Variants in RAPH1 observed in about 807,000 individuals in gnomAD.
RAPH1 encodes the protein Ras association (RalGDS/AF-6) and pleckstrin homology domains 1.
RAPH1 carries 18 observed loss-of-function variants against 88.1 expected under a neutral mutation model. That is an observed-to-expected ratio of 0.20 (90% CI 0.14 to 0.30). The LOEUF is 0.30. RAPH1 is among the 10% of genes least tolerant of loss of function. The pLI, the probability that RAPH1 is intolerant of heterozygous loss-of-function variation, is 1.00. For missense variants in RAPH1, 1,448 were observed against 1,543.2 expected, an observed-to-expected ratio of 0.94 and a Z score of 1.03; for synonymous variants, 587 against 559.0, an observed-to-expected ratio of 1.05 and a Z score of -0.71.
At chr2:203,505,346 A>G (rs1688938879) in intron 1 of RAPH1, among the ~76,000 whole-genome samples, 1 of 152,190 alleles carries the variant, frequency 6.6e-6, no homozygotes, top group Non-Finnish European at 1.5e-5. Flanking sequence ...TGGAAGAAGC[A>G]AAAGTGGAAA....
rs904994370 is a variant in RAPH1, at chr2:203,462,991, G to A, written c.733-1066C>T. On this transcript the variant is annotated intron_variant, in intron 4 of 13. Transcript: ENST00000319170. ...GGGGAGGGCAGATCATTTGAGGTCA[G>A]GAGTTGGAGACCAGCCTGTGCAACT... Among the ~76,000 whole-genome samples the A allele has an allele frequency of 5.3e-5, 8 of 152,102 alleles. No homozygotes were observed. In the East Asian group the frequency reaches 1.5e-3, roughly 29 times the overall value.
At chr2:203,508,159 G>GTA (rs1581384917) in intron 1 of RAPH1, among the ~76,000 whole-genome samples, 1 of 144,100 alleles carries the variant, frequency 6.9e-6, no homozygotes, top group East Asian at 2.2e-4. Flanking sequence ...GGCAGAGCTT[G>GTA]TATAGTGAGC....
At chr2:203,484,105 C>T (rs1031181053) in intron 4 of RAPH1, among the ~76,000 whole-genome samples, 1 of 152,086 alleles carries the variant, frequency 6.6e-6, no homozygotes, top group African/African-American at 2.4e-5. Flanking sequence ...AAATATAATA[C>T]ACAATTAGAC....
intron 1 of RAPH1, among the ~76,000 whole-genome samples, chr2:203,514,537 G>A (rs976456117): frequency 1.3e-5 from 2 of 151,860 alleles, no homozygotes; most frequent in Non-Finnish European, 2.9e-5. Flanking sequence ...GCAGCATGTC[G>A]CACATCTAAA....
chr2:203,528,979 C>CTATATATATATATA (rs71408946), intron 1 of RAPH1, among the ~76,000 whole-genome samples: 16 of 61,224 alleles, frequency 2.6e-4, no homozygotes, highest in African/African-American at 8.4e-4. Context: ...GGTTGTTTTG[C>CTATATATATATATA]TATATATATA....
chr2:203,482,454 G>A (rs895665462), intron 4 of RAPH1, among the ~76,000 whole-genome samples: 19 of 152,148 alleles, frequency 1.2e-4, no homozygotes, highest in Admixed American at 9.2e-4. Flanking sequence ...CCAAAGTGCC[G>A]GGATTACAGG....
In RAPH1 at chr2:203,464,738, A is replaced by C. The variant is rs1250226835; in HGVS notation, c.733-2813T>G. Among the ~76,000 whole-genome samples, 3 of 152,192 alleles carry C rather than the reference A, an allele frequency of 2.0e-5. No homozygotes were observed. In the South Asian group the frequency reaches 6.2e-4, roughly 31 times the overall value. On this transcript the variant is annotated intron_variant, in intron 4 of 13. Transcript: ENST00000319170. ...ATAAACTGGGAGAAAAAATATTTGCAAAAGACGTATCTGATAAAGAACTGT... is the reference window on the plus strand; with the variant it reads ...ATAAACTGGGAGAAAAAATATTTGCCAAAGACGTATCTGATAAAGAACTGT...
chr2:203,485,531 G>C (rs1170107151), intron 4 of RAPH1, among the ~76,000 whole-genome samples: 7 of 152,008 alleles, frequency 4.6e-5, no homozygotes, highest in Non-Finnish European at 1.5e-5. Context: ...TCACCAACAG[G>C]GGTCAGTTTC....
At chr2:203,442,150 A>C in intron 13 of RAPH1, 1 of 1,464,302 alleles carries the variant, frequency 6.8e-7, no homozygotes, top group South Asian at 1.4e-5. Flanking sequence ...ATACAGAAAA[A>C]GCCAGAAGAA....
intron 10 of RAPH1, among the ~76,000 whole-genome samples, chr2:203,451,799 T>G (rs2098515135): frequency 2.0e-5 from 3 of 152,234 alleles, no homozygotes; most frequent in African/African-American, 4.8e-5. Context: ...CCACAGGGTG[T>G]GAATTCTGAC....
intron 4 of RAPH1, among the ~76,000 whole-genome samples, chr2:203,481,568 A>AATATATATATATATATATATAT (rs60650703): frequency 5.8e-4 from 80 of 138,082 alleles, no homozygotes; most frequent in African/African-American, 2.0e-3. Flanking sequence ...TAAATAGATG[A>AATATATATATATATATATATAT]ATATATATAT....
intron 1 of RAPH1, among the ~76,000 whole-genome samples, chr2:203,497,388 C>A (rs955512403): frequency 2.0e-5 from 3 of 152,160 alleles, no homozygotes; most frequent in Non-Finnish European, 4.4e-5. Context: ...AAAATTATAT[C>A]TGGGATCCTT....
chr2:203,475,596 TA>T (rs1355689285), intron 4 of RAPH1, among the ~76,000 whole-genome samples: 2 of 152,176 alleles, frequency 1.3e-5, no homozygotes, highest in Non-Finnish European at 2.9e-5. Flanking sequence ...TACTTGCCTA[TA>T]AACTGTCTCA....
rs918821571 is a variant in RAPH1, at chr2:203,535,075, T to G, written c.-1+36A>C. 3.6e-4 allele frequency: 54 copies of G among 151,354 alleles called. 2 individuals are homozygous for G. Among genetic ancestry groups the G allele is most frequent in the Admixed American group, 3.3e-3 (50 of 15,282 alleles). The allele number at this position is 151,354 out of a possible 1,614,324, so 9.4% of individuals were successfully genotyped here. On this transcript the variant is annotated intron_variant, in intron 1 of 13. Coordinates refer to ENST00000319170, the MANE Select transcript of RAPH1 (RefSeq NM_213589.3). ...ACGGCCCCGCGCCCAGCCGGCTCCC[T>G]ACCCCCTGGCCCCGAGGGCGAGGCT...
At chr2:203,496,306 C>T (rs956179839) in intron 1 of RAPH1, among the ~76,000 whole-genome samples, 3 of 151,948 alleles carry the variant, frequency 2.0e-5, no homozygotes, top group African/African-American at 4.8e-5. Flanking sequence ...TGCAGAGAGC[C>T]GAGAACATGC....
chr2:203,514,175 T>G (rs1689492097), intron 1 of RAPH1, among the ~76,000 whole-genome samples: 1 of 152,100 alleles, frequency 6.6e-6, no homozygotes, highest in Non-Finnish European at 1.5e-5. Flanking sequence ...GTAAGGTATC[T>G]GCTGCCAGCT....
At chr2:203,525,735 C>T (rs1199392832) in intron 1 of RAPH1, among the ~76,000 whole-genome samples, 1 of 152,078 alleles carries the variant, frequency 6.6e-6, no homozygotes, top group Non-Finnish European at 1.5e-5. Flanking sequence ...TGAGATTGGG[C>T]CACTGCACTC....
intron 1 of RAPH1, among the ~76,000 whole-genome samples, chr2:203,532,203 T>G (rs528581166): frequency 5.9e-5 from 9 of 152,182 alleles, no homozygotes; most frequent in Non-Finnish European, 1.2e-4. Context: ...AGTTACTGTT[T>G]TGTTTTTGAA....
At chr2:203,506,800 ATATATCTATATC>A (rs1205445417) in intron 1 of RAPH1, among the ~76,000 whole-genome samples, 2 of 121,486 alleles carry the variant, frequency 1.6e-5, no homozygotes, top group African/African-American at 7.4e-5. Context: ...ATATCTATAT[ATATATCTATATC>A]TATATATCTA....
Sources: gnomAD v4.1 joint callset for allele counts (sites outside exome capture counted in the v4.1 genomes callset) on GRCh38, gnomAD v4.1.1 for gene constraint, MANE v1.5 for transcripts, NCBI Gene and HGNC (gene_info 2026-07-23, HGNC 2026-07-21) for gene names.